The following SPDL1 variants were observed in gnomAD, a reference collection of about 807,000 sequenced individuals.
The protein encoded by SPDL1 is spindle apparatus coiled-coil protein 1, also known as protein Spindly.
Under a neutral mutation model 79.5 loss-of-function variants are expected in SPDL1, and 85 were observed. The observed-to-expected ratio is 1.07, with a 90% CI of 0.90 to 1.28. SPDL1 has a LOEUF of 1.28. SPDL1 is among the 50% of genes most tolerant of loss of function. The pLI is 0.00. For synonymous variants in SPDL1, 269 were observed against 240.3 expected (o/e 1.12, Z -1.10); for missense variants, 703 against 697.8 (o/e 1.01, Z -0.08).
intron 2 of SPDL1, among the ~76,000 whole-genome samples, chr5:169,589,890 A>G (rs759264449): frequency 1.3e-5 from 2 of 151,918 alleles, no homozygotes; most frequent in Non-Finnish European, 2.9e-5. Flanking sequence ...TTTAGTAGAG[A>G]TGGGGTTTCA....
Position 169,588,562 on chromosome 5 carries a change from T to G in SPDL1, c.146T>G (p.Met49Arg). ...NQLDKCRNEM[M>R]TMTESYEQEK... is the part of the protein sequence containing the mutation. ...TTGGATAAATGTCGTAATGAAATGA[T>G]GACCATGACTGAGGTAGGACTCTGG... Residue 49 changes from methionine to arginine, a missense_variant, in exon 2 of 12, where the codon ATG becomes AGG. By Grantham distance (91) the Met-to-Arg change is moderately conservative. Transcript: ENST00000265295. 6.2e-7 allele frequency: 1 copy of G among 1,612,408 alleles called. No homozygotes were observed. Among genetic ancestry groups the G allele is most frequent in the Non-Finnish European group, 8.5e-7 (1 of 1,179,282 alleles).
At chr5:169,589,340 A>G (rs183501581) in intron 2 of SPDL1, among the ~76,000 whole-genome samples, 42 of 152,296 alleles carry the variant, frequency 2.8e-4, no homozygotes, top group African/African-American at 9.6e-4. Flanking sequence ...TCAGCGTCTA[A>G]GTGGTCGTGG....
rs1280515927 is a variant in SPDL1, at chr5:169,604,215, T to C, written c.*8T>C. The C allele has an allele frequency of 1.9e-6, 3 of 1,554,632 alleles. No homozygotes were observed. In the South Asian group the frequency reaches 3.8e-5, roughly 19 times the overall value. ...CAGTGCCCTCAACAGTAAAGACTTG[T>C]CTTTAATAAGAGTACGGTGCCACTT... On this transcript the variant is annotated 3_prime_UTR_variant, in exon 12 of 12. Transcript: ENST00000265295.
chr5:169,589,682 C>G (rs959266748), intron 2 of SPDL1, among the ~76,000 whole-genome samples: 2 of 151,660 alleles, frequency 1.3e-5, no homozygotes, highest in Non-Finnish European at 2.9e-5. Context: ...TAAAGTTGCC[C>G]TGATTCACTT....
intron 5 of SPDL1, 27 bp from the exon 6 acceptor site, chr5:169,594,367 G>C (rs1181828610): frequency 2.5e-6 from 4 of 1,612,222 alleles, no homozygotes; most frequent in Non-Finnish European, 2.5e-6. Context: ...AATCTCTGTT[G>C]CCTAAATTGT....
In SPDL1 at chr5:169,588,893, C is replaced by T. The variant is rs1362033910; in HGVS notation, c.159+318C>T. On this transcript the variant is annotated intron_variant, in intron 2 of 11. Transcript: ENST00000265295. ...CTAAACATCTAAGTGCCCCATGACACTACACCAAGCCCTTAGTTCCCCCAT... is the reference window on the plus strand; with the variant it reads ...CTAAACATCTAAGTGCCCCATGACATTACACCAAGCCCTTAGTTCCCCCAT... The T allele has an allele frequency of 4.2e-5, 7 of 166,450 alleles. No homozygotes were observed. The Admixed American group carries it at 4.5e-4, about 11-fold the overall frequency. 10.3% of individuals were successfully genotyped at this position (166,450 alleles called of 1,614,324 possible).
intron 1 of SPDL1, chr5:169,584,188 A>C (rs986765894): frequency 1.3e-5 from 2 of 152,254 alleles, no homozygotes; most frequent in Non-Finnish European, 2.9e-5. Flanking sequence ...TCTAGCCCGA[A>C]CTAAGAAATG....
At chr5:169,598,371 C>T (rs1424610970) in intron 8 of SPDL1, 105 bp from the exon 9 acceptor site, 16 of 716,098 alleles carry the variant, frequency 2.2e-5, no homozygotes, top group South Asian at 1.0e-4. Flanking sequence ...TAGCGTAGTA[C>T]GCCAAGGGAT....
At chr5:169,590,216 G>A (rs989829093) in intron 2 of SPDL1, among the ~76,000 whole-genome samples, 2 of 152,150 alleles carry the variant, frequency 1.3e-5, no homozygotes, top group African/African-American at 4.8e-5. Context: ...ATCTGTAGCA[G>A]GTAAAAATAA....
At chr5:169,601,872 G>T (rs1438395212) in intron 11 of SPDL1, 3 of 563,406 alleles carry the variant, frequency 5.3e-6, no homozygotes, top group East Asian at 6.5e-5. Context: ...TCATGAAAGG[G>T]AATATCACAG....
rs561473472 is a variant in SPDL1 at position 169,594,498 on chromosome 5, T to TA, written c.780+7dup. On this transcript the variant is annotated splice_region_variant and intron_variant, in intron 6 of 11. Transcript: ENST00000265295. The stretch of plus-strand genomic sequence containing the variant: ...GCAACTCTTTGTTTGCAGAGGTACT[T>TA]ATAAGTATCCTAACTACTAAATTGG... 1.0e-4 allele frequency: 164 copies of TA among 1,613,596 alleles called. No homozygotes were observed. The Middle Eastern group carries it at 1.5e-3, about 15-fold the overall frequency.
chr5:169,586,593 C>A (rs1450327347), intron 1 of SPDL1, among the ~76,000 whole-genome samples: 1 of 152,230 alleles, frequency 6.6e-6, no homozygotes, highest in African/African-American at 2.4e-5. Flanking sequence ...ACATTATTTA[C>A]ATCAGTGCTT....
intron 10 of SPDL1, 67 bp from the exon 11 acceptor site, chr5:169,601,213 C>G: frequency 7.0e-7 from 1 of 1,429,340 alleles, no homozygotes. Context: ...CTAGTTCTGG[C>G]TTCTTGTGTT....
At position 169,597,587 on chromosome 5, in the gene SPDL1, C is replaced by A. The variant is rs1197994877; in HGVS notation, c.1032+886C>A. ...TTTCATTTACAAACATCTTGTCTAG[C>A]ACCAAAAAAAGCTTGTTGGCTTTCT... is the stretch of plus-strand genomic sequence containing the variant. On this transcript the variant is annotated intron_variant, in intron 8 of 11. Coordinates refer to ENST00000265295, the MANE Select transcript of SPDL1 (RefSeq NM_017785.5). Among the ~76,000 whole-genome samples the A allele has an allele frequency of 3.9e-5, 6 of 151,982 alleles. No homozygotes were observed. In the East Asian group the frequency reaches 1.2e-3, roughly 29 times the overall value.
intron 1 of SPDL1, among the ~76,000 whole-genome samples, chr5:169,585,016 C>CAAAA (rs11415643): frequency 2.9e-5 from 4 of 138,264 alleles, no homozygotes; most frequent in African/African-American, 1.1e-4. Context: ...GACTCCGTCT[C>CAAAA]AAAAAAAAAA....
intron 8 of SPDL1, among the ~76,000 whole-genome samples, chr5:169,597,532 G>T (rs1034704399): frequency 1.3e-5 from 2 of 151,792 alleles, no homozygotes; most frequent in Non-Finnish European, 2.9e-5. Flanking sequence ...TTATTTTTCA[G>T]TATTTTCCTG....
chr5:169,598,414 T>C, intron 8 of SPDL1, 62 bp from the exon 9 acceptor site: 1 of 1,069,590 alleles, frequency 9.3e-7, no homozygotes, highest in Non-Finnish European at 1.4e-6. Context: ...CTATTATTAA[T>C]AAACATACAC....
At position 169,593,304 on chromosome 5, in the gene SPDL1, T is replaced by C. The variant is rs771955441; in HGVS notation, c.337-50T>C. 8 of 1,472,342 alleles carry C rather than the reference T, an allele frequency of 5.4e-6. No homozygotes were observed. The Admixed American group carries it at 1.8e-4, about 34-fold the overall frequency. 91.2% of individuals were successfully genotyped at this position (1,472,342 alleles called of 1,614,324 possible). On this transcript the variant is annotated intron_variant, in intron 3 of 11. Coordinates refer to ENST00000265295, the MANE Select transcript of SPDL1 (RefSeq NM_017785.5). ...CAATCAGTTCAATCAGTGATTGTTTTTAGAAAGAAAATAACTTTCAATTTA... is the reference window on the plus strand; with the variant it reads ...CAATCAGTTCAATCAGTGATTGTTTCTAGAAAGAAAATAACTTTCAATTTA...
chr5:169,601,533 G>A lies in SPDL1; in HGVS notation c.1578G>A (p.Leu526=), dbSNP rs1411283679. 1.9e-6 allele frequency: 3 copies of A among 1,614,048 alleles called. No individual in the cohort carries two copies. In the African/African-American group the frequency reaches 4.0e-5, roughly 22 times the overall value. The change falls in exon 11 of 12, where the codon CTG becomes CTA. Residue 526 remains leucine (L), a synonymous_variant. Transcript: ENST00000265295. ...PHKNLPVDMQ[L]KKEKKCVKLI... Reference sequence around the variant, plus strand: ...AAAATCTGCCCGTGGATATGCAGCTGAAGAAGGAAAAGAAATGTGTGAAAC... The same window carrying A: ...AAAATCTGCCCGTGGATATGCAGCTAAAGAAGGAAAAGAAATGTGTGAAAC...
Sources: allele counts gnomAD v4.1 joint callset (sites outside exome capture counted in the v4.1 genomes callset), GRCh38; gene constraint gnomAD v4.1.1; transcripts MANE v1.5; gene names NCBI Gene and HGNC (gene_info 2026-07-23, HGNC 2026-07-21).